Variants in CAPN10 observed in about 807,000 individuals in gnomAD.
CAPN10 encodes calpain-10.
In CAPN10, 71 loss-of-function variants were observed where a neutral mutation model predicts 78.4. That is an observed-to-expected ratio of 0.91 (90% CI 0.75 to 1.10). The LOEUF (loss-of-function observed/expected upper bound fraction) is 1.10, where lower values mean the gene tolerates loss of function less well. Among genes scored for constraint, CAPN10 ranks in the 50% least tolerant of loss-of-function variants. The pLI, the probability that CAPN10 is intolerant of heterozygous loss-of-function variation, is 0.00. For synonymous variants in CAPN10, 437 were observed against 407.2 expected, an observed-to-expected ratio of 1.07 and a Z score of -0.88; for missense variants, 849 against 924.6, an observed-to-expected ratio of 0.92 and a Z score of 1.06.
chr2:240,598,515 T>C, intron 11 of CAPN10, 118 bp downstream of exon 11: 1 of 1,453,454 alleles, frequency 6.9e-7, no homozygotes, highest in Non-Finnish European at 9.6e-7. Context: ...CCTTGACTCT[T>C]CCTGTGAGAG....
intron 3 of CAPN10, 134 bp downstream of exon 3, chr2:240,591,145 T>C (rs1575446915): frequency 3.9e-6 from 3 of 764,352 alleles, no homozygotes; most frequent in East Asian, 2.7e-5. Flanking sequence ...GGCAGCTCAT[T>C]CTGTGAGTCA....
At chr2:240,592,765 C>G (rs1348186501) in intron 4 of CAPN10, 1 of 271,056 alleles carries the variant, frequency 3.7e-6, no homozygotes, top group Admixed American at 5.0e-5. Flanking sequence ...TCTCACACTG[C>G]CACACACGCG....
chr2:240,589,294 G>C (rs539306792), intron 1 of CAPN10, 49 bp from the exon 2 acceptor site: 18 of 1,613,078 alleles, frequency 1.1e-5, no homozygotes, highest in Admixed American at 1.7e-5. Flanking sequence ...TAGTTTGAAG[G>C]GTTCCACAGC....
intron 7 of CAPN10, chr2:240,596,084 A>G: frequency 6.5e-7 from 1 of 1,531,312 alleles, no homozygotes; most frequent in Non-Finnish European, 8.8e-7. Context: ...GGGCCCAGCT[A>G]CAAGGAGGAC....
chr2:240,593,783 C>A, intron 4 of CAPN10, 123 bp from the exon 5 acceptor site: 2 of 1,184,798 alleles, frequency 1.7e-6, no homozygotes, highest in Non-Finnish European at 1.2e-6. Context: ...TGGGGTCTCC[C>A]GTGTAGCCAT....
rs2093086961 is a variant in CAPN10 at position 240,589,345 on chromosome 2, G to A, written c.144G>A (p.Glu48=). 4 of 1,614,184 alleles carry A rather than the reference G, an allele frequency of 2.5e-6. No homozygotes were observed. Among genetic ancestry groups the A allele is most frequent in the Non-Finnish European group, 3.4e-6 (4 of 1,180,032 alleles). The part of the protein sequence containing the change: ...REDITWRRPQ[E]ICATPRLFPD... ...CTGGACAACTTTCTGTATCTCAGGAGATTTGTGCCACACCCCGGCTGTTTC... is the reference window on the plus strand; with the variant it reads ...CTGGACAACTTTCTGTATCTCAGGAAATTTGTGCCACACCCCGGCTGTTTC... The change falls in exon 2 of 12, where the codon GAG becomes GAA. Residue 48 remains glutamate, a splice_region_variant and synonymous_variant. Coordinates refer to ENST00000391984, the MANE Select transcript of CAPN10 (RefSeq NM_023083.4).
At chr2:240,595,916 T>A (rs1466720947) in intron 7 of CAPN10, 1 of 1,323,414 alleles carries the variant, frequency 7.6e-7, no homozygotes, top group Non-Finnish European at 1.0e-6. Flanking sequence ...TGGGTTTTCA[T>A]CTTGTGTGTC....
chr2:240,592,217 A>C, intron 4 of CAPN10, 67 bp downstream of exon 4: 4 of 1,346,884 alleles, frequency 3.0e-6, no homozygotes, highest in Middle Eastern at 2.3e-4. Flanking sequence ...CCTCAGGCAC[A>C]CTGTAGCTTT....
At chr2:240,595,779 C>A (rs1185006523) in intron 7 of CAPN10, among the ~76,000 whole-genome samples, 1 of 152,234 alleles carries the variant, frequency 6.6e-6, no homozygotes, top group Non-Finnish European at 1.5e-5. Context: ...TGCTCTGAGG[C>A]CCAGGCAGTC....
At chr2:240,598,295 A>G in intron 10 of CAPN10, 57 bp from the exon 11 acceptor site, 4 of 1,593,194 alleles carry the variant, frequency 2.5e-6, no homozygotes, top group Non-Finnish European at 3.4e-6. Flanking sequence ...CCAGGAGCAC[A>G]CAGCCACTTG....
At chr2:240,598,137 G>A in intron 10 of CAPN10, 50 bp downstream of exon 10, 1 of 1,540,244 alleles carries the variant, frequency 6.5e-7, no homozygotes. Flanking sequence ...GGGTGCTGGA[G>A]TCTTAGTGCT....
intron 11 of CAPN10, 80 bp from the exon 12 acceptor site, chr2:240,598,571 C>T (rs1559428179): frequency 2.7e-6 from 4 of 1,501,452 alleles, no homozygotes; most frequent in Non-Finnish European, 3.6e-6. Flanking sequence ...GGCTGCGTCC[C>T]ATTCCCTGGC....
At position 240,597,963 on chromosome 2, in the gene CAPN10, C is replaced by G. The variant is rs1349956538; in HGVS notation, c.1819C>G (p.Arg607Gly). 6 of 1,613,018 alleles carry G rather than the reference C, an allele frequency of 3.7e-6. No individual in the cohort carries two copies. The East Asian group carries it at 8.9e-5, about 24-fold the overall frequency. ...GCCGCTGCTGAGCTGCGTGCCACAT[C>G]GCTACGCCCAGGAGGTGAGCCGGCT... ...QEPLLSCVPH[R>G]YAQEVSRLCL... The change falls in exon 10 of 12, where the codon CGC becomes GGC. Residue 607 changes from arginine (R) to glycine (G), a missense_variant. Physicochemically the swap from Arg to Gly is moderately radical, Grantham distance 125. Transcript: ENST00000391984.
chr2:240,594,470 C>T (rs986265189), intron 5 of CAPN10, 73 bp from the exon 6 acceptor site: 8 of 1,480,836 alleles, frequency 5.4e-6, no homozygotes, highest in African/African-American at 2.8e-5. Context: ...CTCCAGGCTT[C>T]CCCCCAGCCT....
intron 7 of CAPN10, 33 bp from the exon 8 acceptor site, chr2:240,596,286 C>T: frequency 1.9e-6 from 3 of 1,579,822 alleles, no homozygotes; most frequent in South Asian, 2.3e-5. Context: ...CCCGGCCGCT[C>T]CTCCACACTG....
At position 240,598,856 on chromosome 2, in the gene CAPN10, C is replaced by T. The variant is rs2093154489; in HGVS notation, c.*176C>T. Reference sequence around the variant, plus strand: ...CACGGGAAGCCTCCGTCAGGAGAGACGCAGCCCTGGGGGCCAGCTGGTGCT... The same window carrying T: ...CACGGGAAGCCTCCGTCAGGAGAGATGCAGCCCTGGGGGCCAGCTGGTGCT... On this transcript the variant is annotated 3_prime_UTR_variant, in exon 12 of 12. Transcript: ENST00000391984. 1.7e-5 allele frequency: 11 copies of T among 636,428 alleles called. No individual in the cohort carries two copies. The highest frequency in any genetic ancestry group is 1.4e-4 in the South Asian group (7 of 51,736). The allele number at this position is 636,428 out of a possible 1,614,324, so 39.4% of individuals were successfully genotyped here.
Position 240,593,835 on chromosome 2 carries a change from C to G in CAPN10, c.689-71C>G. Reference sequence around the variant, plus strand: ...GCATCTCCAGAGGAGGAGGCAGAGGCCTGTGTGTCCTTGTCAGTTTGGGAC... The same window carrying G: ...GCATCTCCAGAGGAGGAGGCAGAGGGCTGTGTGTCCTTGTCAGTTTGGGAC... On this transcript the variant is annotated intron_variant, in intron 4 of 11. Coordinates refer to ENST00000391984, the MANE Select transcript of CAPN10 (RefSeq NM_023083.4). The G allele has an allele frequency of 2.7e-6, 4 of 1,504,168 alleles. No homozygotes were observed. In the South Asian group the frequency reaches 5.3e-5, roughly 20 times the overall value. 93.2% of individuals were successfully genotyped at this position (1,504,168 alleles called of 1,614,324 possible). A position where few individuals can be genotyped will look rare whatever the true frequency, so the allele number is the denominator to read the frequency against.
Position 240,593,390 on chromosome 2 carries a change from C to CTCTT in CAPN10, c.689-510_689-507dup, listed in dbSNP as rs1491359294. 2.0e-5 allele frequency among the ~76,000 whole-genome samples: 3 copies of CTCTT among 152,340 alleles called. No individual in the cohort carries two copies. The South Asian group carries it at 6.2e-4, about 32-fold the overall frequency. On this transcript the variant is annotated intron_variant, in intron 4 of 11. Coordinates refer to ENST00000391984, the MANE Select transcript of CAPN10 (RefSeq NM_023083.4). ...AGATGTGGCCTTCCTCTCTGTTTGG[C>CTCTT]TCTTTCTTTTCTATGCCCATCTGTC...
At chr2:240,592,742 C>T (rs1266492418) in intron 4 of CAPN10, 1 of 309,142 alleles carries the variant, frequency 3.2e-6, no homozygotes, top group East Asian at 9.0e-5. Flanking sequence ...TACGTGTTCC[C>T]TTCCGCACCG....
Sources: allele counts gnomAD v4.1 joint callset (sites outside exome capture counted in the v4.1 genomes callset), GRCh38; gene constraint gnomAD v4.1.1; transcripts MANE v1.5; gene names NCBI Gene and HGNC (gene_info 2026-07-23, HGNC 2026-07-21).